Variants in PREX2 observed in about 807,000 individuals in gnomAD.
PREX2 encodes the protein phosphatidylinositol 3,4,5-trisphosphate-dependent Rac exchanger 2 protein.
In PREX2, 107 loss-of-function variants were observed where a neutral mutation model predicts 203.2. The observed-to-expected ratio is 0.53, with a 90% CI of 0.45 to 0.62. The LOEUF is 0.62. Ranked by LOEUF, PREX2 falls within the 20% of genes least tolerant of loss-of-function variation. The pLI is 0.00. For synonymous variants in PREX2, 672 were observed against 663.6 expected (o/e 1.01, Z -0.19); for missense variants, 1,777 against 1,955.9 (o/e 0.91, Z 1.72).
intron 1 of PREX2, among the ~76,000 whole-genome samples, chr8:68,002,523 G>T (rs1196878808): frequency 1.3e-5 from 2 of 152,144 alleles, no homozygotes; most frequent in Non-Finnish European, 2.9e-5. Context: ...GTAGTTCTTT[G>T]TCCTAATAGA....
intron 35 of PREX2, among the ~76,000 whole-genome samples, chr8:68,184,631 G>A (rs745618003): frequency 9.8e-4 from 149 of 152,272 alleles, no homozygotes; most frequent in Non-Finnish European, 1.5e-3. Flanking sequence ...TGGAGAAGAA[G>A]CAAGAGTATA....
At chr8:68,055,188 A>T (rs1808637880) in intron 9 of PREX2, among the ~76,000 whole-genome samples, 1 of 152,152 alleles carries the variant, frequency 6.6e-6, no homozygotes, top group Admixed American at 6.5e-5. Context: ...TGGTTAAAAC[A>T]CTTAGCTGCA....
At chr8:68,061,039 G>A (rs138313641) in intron 11 of PREX2, among the ~76,000 whole-genome samples, 58 of 152,286 alleles carry the variant, frequency 3.8e-4, no homozygotes, top group Middle Eastern at 3.4e-3. Context: ...AGGAAGGGAT[G>A]GTTAGTTCTA....
chr8:68,031,147 G>A (rs1807871650), intron 6 of PREX2, among the ~76,000 whole-genome samples: 1 of 152,124 alleles, frequency 6.6e-6, no homozygotes, highest in Admixed American at 6.5e-5. Flanking sequence ...AGATGAAAAT[G>A]TTATGGCTTC....
chr8:68,097,056 G>A lies in PREX2; in HGVS notation c.2408G>A (p.Gly803Glu). The change falls in exon 22 of 40, where the codon GGG becomes GAG. Residue 803 changes from glycine (G) to glutamate (E), a missense_variant. Gly to Glu is a moderately conservative substitution (Grantham distance 98). Coordinates refer to ENST00000288368, the MANE Select transcript of PREX2 (RefSeq NM_024870.4). The stretch of plus-strand genomic sequence containing the variant: ...TTCAACACTATGGCCATCATTGATG[G>A]GAAGAAGGAGCATGTGAGTCTGACA... ...DKFNTMAIIDGKKEHVSLTVD... is the reference protein window; with the variant it reads ...DKFNTMAIIDEKKEHVSLTVD... 1.2e-6 allele frequency: 2 copies of A among 1,613,826 alleles called. No homozygotes were observed. Among genetic ancestry groups the A allele is most frequent in the East Asian group, 2.2e-5 (1 of 44,848 alleles).
intron 37 of PREX2, among the ~76,000 whole-genome samples, chr8:68,202,028 C>G (rs1271959585): frequency 6.6e-6 from 1 of 151,570 alleles, no homozygotes; most frequent in Non-Finnish European, 1.5e-5. Flanking sequence ...TCCTCAGCCT[C>G]CCGAGTAGCT....
intron 34 of PREX2, among the ~76,000 whole-genome samples, chr8:68,148,592 G>C (rs1447585274): frequency 6.6e-6 from 1 of 152,160 alleles, no homozygotes. Context: ...TTTGGCAAAA[G>C]CCAATTTAAA....
chr8:68,231,327 T>C lies in PREX2; in HGVS notation c.4776-6T>C. 6.3e-7 allele frequency: 1 copy of C among 1,588,702 alleles called. No individual in the cohort carries two copies. The highest frequency in any genetic ancestry group is 8.5e-7 in the Non-Finnish European group (1 of 1,170,514). On this transcript the variant is annotated splice_polypyrimidine_tract_variant and splice_region_variant and intron_variant, in intron 39 of 39. Transcript: ENST00000288368. Reference sequence around the variant, plus strand: ...TCACTGTCAAACTTTACCATGCCTTTTCTAGGCTGTACAAGCTGTGCGAGC... The same window carrying C: ...TCACTGTCAAACTTTACCATGCCTTCTCTAGGCTGTACAAGCTGTGCGAGC...
At chr8:68,208,929 A>G (rs1414708048) in intron 37 of PREX2, among the ~76,000 whole-genome samples, 1 of 151,954 alleles carries the variant, frequency 6.6e-6, no homozygotes, top group Non-Finnish European at 1.5e-5. Flanking sequence ...TCTCCACAAA[A>G]AATTTAAAAA....
intron 10 of PREX2, among the ~76,000 whole-genome samples, chr8:68,058,062 C>T (rs13262967): frequency 0.16 from 24,945 of 152,132 alleles, 2,457 homozygotes; most frequent in South Asian, 0.22. Context: ...ACACTACTGC[C>T]GCTTACAGCG....
chr8:68,063,231 T>C (rs1309304806), intron 11 of PREX2, among the ~76,000 whole-genome samples: 1 of 152,344 alleles, frequency 6.6e-6, no homozygotes, highest in East Asian at 1.9e-4. Flanking sequence ...ACCAGGGAAC[T>C]GTGCCTCAGT....
At chr8:68,056,821 A>G (rs7004997) in intron 10 of PREX2, among the ~76,000 whole-genome samples, 14,681 of 152,282 alleles carry the variant, frequency 0.096, 771 homozygotes, top group Middle Eastern at 0.12. Context: ...CTAGACTGCA[A>G]TCAAACTTAT....
intron 17 of PREX2, among the ~76,000 whole-genome samples, chr8:68,081,141 G>A (rs563585950): frequency 3.3e-5 from 5 of 152,200 alleles, no homozygotes; most frequent in East Asian, 1.9e-4. Flanking sequence ...TTCCACAGGC[G>A]GAGGGTGGGG....
chr8:68,184,933 C>T (rs1812160205), intron 35 of PREX2, among the ~76,000 whole-genome samples: 1 of 152,148 alleles, frequency 6.6e-6, no homozygotes, highest in African/African-American at 2.4e-5. Flanking sequence ...AGCTAGGATT[C>T]TCATTACTTA....
intron 1 of PREX2, among the ~76,000 whole-genome samples, chr8:67,998,128 C>G (rs530563206): frequency 1.3e-5 from 2 of 152,300 alleles, no homozygotes; most frequent in Non-Finnish European, 2.9e-5. Flanking sequence ...CTCATTGGCT[C>G]TGCAGCTGTG....
rs1812954204 is a variant in PREX2 at position 68,221,604 on chromosome 8, G to A, written c.4708-2955G>A. 2.0e-5 allele frequency among the ~76,000 whole-genome samples: 3 copies of A among 152,126 alleles called. No homozygotes were observed. The South Asian group carries it at 6.2e-4, about 32-fold the overall frequency. ...ATATGATGCAGACAGGAAGGGAAGG[G>A]GGCAGGAAGAGTATTTAAGTAGAGG... On this transcript the variant is annotated intron_variant, in intron 38 of 39. Coordinates refer to ENST00000288368, the MANE Select transcript of PREX2 (RefSeq NM_024870.4).
At chr8:68,077,083 A>G (rs1160532415) in intron 14 of PREX2, among the ~76,000 whole-genome samples, 1 of 152,238 alleles carries the variant, frequency 6.6e-6, no homozygotes, top group Non-Finnish European at 1.5e-5. Context: ...TATAAAATCT[A>G]AGAAATCTAA....
chr8:68,015,801 T>C (rs1250769243), intron 1 of PREX2, among the ~76,000 whole-genome samples: 1 of 152,204 alleles, frequency 6.6e-6, no homozygotes, highest in Non-Finnish European at 1.5e-5. Context: ...AGAATAATAC[T>C]AATAAATTGA....
intron 23 of PREX2, chr8:68,106,477 G>T: frequency 2.6e-6 from 1 of 388,692 alleles, no homozygotes; most frequent in Non-Finnish European, 4.9e-6. Flanking sequence ...ATAATTTCCT[G>T]CATTTCAATT....
Sources: gnomAD v4.1 joint callset for allele counts (sites outside exome capture counted in the v4.1 genomes callset) on GRCh38, gnomAD v4.1.1 for gene constraint, MANE v1.5 for transcripts, NCBI Gene and HGNC (gene_info 2026-07-23, HGNC 2026-07-21) for gene names.